The following CDH18 variants were observed in gnomAD, a reference collection of about 807,000 sequenced individuals.
CDH18 encodes the protein cadherin-18.
In CDH18, 31 loss-of-function variants were observed where a neutral mutation model predicts 67.9. The ratio of observed to expected loss-of-function variants is 0.46; its 90% CI spans 0.34 to 0.62. The LOEUF (loss-of-function observed/expected upper bound fraction) is 0.62. Ranked by LOEUF, CDH18 falls within the 20% of genes least tolerant of loss-of-function variation. The pLI, the probability that CDH18 is intolerant of heterozygous loss-of-function variation, is 0.01. For synonymous variants in CDH18, 362 were observed against 347.2 expected (o/e 1.04, Z -0.48); for missense variants, 890 against 975.5 (o/e 0.91, Z 1.17).
intron 2 of CDH18, among the ~76,000 whole-genome samples, chr5:20,251,071 T>A (rs1435869169): frequency 6.6e-6 from 1 of 152,220 alleles, no homozygotes; most frequent in Non-Finnish European, 1.5e-5. Context: ...AAATTTGTGA[T>A]GTTCTACAAG....
At chr5:20,190,301 G>A (rs1315317993) in intron 2 of CDH18, among the ~76,000 whole-genome samples, 23 of 152,060 alleles carry the variant, frequency 1.5e-4, no homozygotes, top group Admixed American at 1.5e-3. Flanking sequence ...GCTGTTTCTT[G>A]GAACTACTCA....
At chr5:20,125,969 A>T (rs1748784944) in intron 2 of CDH18, among the ~76,000 whole-genome samples, 1 of 152,206 alleles carries the variant, frequency 6.6e-6, no homozygotes, top group Non-Finnish European at 1.5e-5. Flanking sequence ...GAAATTCTAA[A>T]ACGTATATGA....
intron 6 of CDH18, 72 bp downstream of exon 6, chr5:19,612,362 T>C: frequency 7.0e-7 from 1 of 1,437,554 alleles, no homozygotes; most frequent in Non-Finnish European, 9.7e-7. Flanking sequence ...AACATAACAC[T>C]GTTCAAGTAT....
At chr5:19,663,136 A>C (rs1757416373) in intron 5 of CDH18, among the ~76,000 whole-genome samples, 1 of 151,982 alleles carries the variant, frequency 6.6e-6, no homozygotes, top group Admixed American at 6.6e-5. Context: ...TAATAAAATT[A>C]ATGCTTTCAA....
intron 3 of CDH18, among the ~76,000 whole-genome samples, chr5:19,801,498 G>A (rs1274740753): frequency 3.9e-5 from 6 of 152,120 alleles, no homozygotes; most frequent in Non-Finnish European, 7.4e-5. Context: ...TGATATCCAA[G>A]TCCTATTTTC....
chr5:20,118,988 C>T (rs1748137232), intron 2 of CDH18, among the ~76,000 whole-genome samples: 1 of 152,076 alleles, frequency 6.6e-6, no homozygotes, highest in Non-Finnish European at 1.5e-5. Flanking sequence ...TTAAAATAGT[C>T]CCTAAGACTA....
chr5:19,722,208 C>T (rs556368049), intron 4 of CDH18, among the ~76,000 whole-genome samples: 6 of 152,168 alleles, frequency 3.9e-5, no homozygotes, highest in African/African-American at 1.4e-4. Context: ...CACCCTCCAC[C>T]ATGCCCAGAT....
At chr5:20,442,769 G>C (rs1191488525) in intron 1 of CDH18, among the ~76,000 whole-genome samples, 1 of 151,810 alleles carries the variant, frequency 6.6e-6, no homozygotes, top group African/African-American at 2.4e-5. Flanking sequence ...GACAATGCAA[G>C]TCATAAGAGA....
intron 12 of CDH18, among the ~76,000 whole-genome samples, chr5:19,475,101 T>C (rs1422423425): frequency 6.6e-6 from 1 of 151,778 alleles, no homozygotes; most frequent in African/African-American, 2.4e-5. Context: ...ATCAGGGAGG[T>C]ACATTCGATT....
chr5:20,191,977 A>G (rs996613989), intron 2 of CDH18, among the ~76,000 whole-genome samples: 9 of 152,116 alleles, frequency 5.9e-5, no homozygotes, highest in African/African-American at 2.2e-4. Context: ...TCCCACCAAC[A>G]GTGTAAAAAC....
chr5:19,477,791 G>C (rs1738739079), intron 12 of CDH18, among the ~76,000 whole-genome samples: 1 of 151,926 alleles, frequency 6.6e-6, no homozygotes, highest in African/African-American at 2.4e-5. Context: ...CAATATGAGA[G>C]AACCAAGGTG....
chr5:19,817,136 T>C (rs1779374618), intron 3 of CDH18, among the ~76,000 whole-genome samples: 2 of 151,894 alleles, frequency 1.3e-5, no homozygotes, highest in African/African-American at 4.8e-5. Flanking sequence ...ATTTTACTCA[T>C]AATACAAGAA....
intron 2 of CDH18, among the ~76,000 whole-genome samples, chr5:20,183,091 G>A (rs1469674244): frequency 6.6e-6 from 1 of 151,978 alleles, no homozygotes; most frequent in Non-Finnish European, 1.5e-5. Context: ...CATTATAATG[G>A]ACCTTAACTA....
intron 2 of CDH18, among the ~76,000 whole-genome samples, chr5:19,870,477 A>T (rs2150017372): frequency 6.6e-6 from 1 of 152,182 alleles, no homozygotes; most frequent in South Asian, 2.1e-4. Context: ...TTTAGCTATG[A>T]CTAATTTTGA....
At chr5:20,573,343 G>A (rs1448945793) in intron 1 of CDH18, among the ~76,000 whole-genome samples, 1 of 151,608 alleles carries the variant, frequency 6.6e-6, no homozygotes, top group Non-Finnish European at 1.5e-5. Context: ...AATACTATTA[G>A]AATTACGTTT....
At chr5:19,750,260 T>C (rs1244473349) in intron 3 of CDH18, among the ~76,000 whole-genome samples, 1 of 152,078 alleles carries the variant, frequency 6.6e-6, no homozygotes, top group Non-Finnish European at 1.5e-5. Flanking sequence ...CCAAATCTAT[T>C]CTCAAATCTC....
chr5:20,002,048 C>T (rs1159444731), intron 2 of CDH18, among the ~76,000 whole-genome samples: 3 of 152,170 alleles, frequency 2.0e-5, no homozygotes, highest in Admixed American at 6.5e-5. Context: ...ATATGTTCTG[C>T]TCATTGTTAC....
At chr5:19,795,375 A>C (rs546166994) in intron 3 of CDH18, among the ~76,000 whole-genome samples, 1 of 152,278 alleles carries the variant, frequency 6.6e-6, no homozygotes, top group South Asian at 2.1e-4. Flanking sequence ...ACAGCAGGAA[A>C]ACTGAAGTTC....
chr5:19,599,501 T>C (rs1193606941), intron 6 of CDH18, among the ~76,000 whole-genome samples: 1 of 152,170 alleles, frequency 6.6e-6, no homozygotes, highest in Non-Finnish European at 1.5e-5. Flanking sequence ...AGTATATATT[T>C]TGGTCATCAT....
Sources: gnomAD v4.1 joint callset for allele counts (sites outside exome capture counted in the v4.1 genomes callset) on GRCh38, gnomAD v4.1.1 for gene constraint, MANE v1.5 for transcripts, NCBI Gene and HGNC (gene_info 2026-07-23, HGNC 2026-07-21) for gene names.